The following FHOD3 variants were observed in gnomAD, a reference collection of about 807,000 sequenced individuals.
The protein encoded by FHOD3 is FH1/FH2 domain-containing protein 3.
Under a neutral mutation model 173.0 loss-of-function variants are expected in FHOD3, and 90 were observed. The ratio of observed to expected loss-of-function variants is 0.52; its 90% confidence interval spans 0.44 to 0.62. The LOEUF is 0.62. Ranked by LOEUF, FHOD3 falls within the 20% of genes least tolerant of loss-of-function variation. FHOD3 has a pLI of 0.00. For missense variants in FHOD3, 1,945 were observed against 2,034.7 expected (o/e 0.96, Z 0.85); for synonymous variants, 828 against 823.0 (o/e 1.01, Z -0.10).
At chr18:36,750,082 G>C (rs960536159) in intron 24 of FHOD3, among the ~76,000 whole-genome samples, 1 of 152,124 alleles carries the variant, frequency 6.6e-6, no homozygotes. Flanking sequence ...GAGGTCAGGA[G>C]ATCAAGATCA....
chr18:36,487,722 A>C lies in FHOD3; in HGVS notation c.338-14210A>C, dbSNP rs566707233. Among the ~76,000 whole-genome samples, 61 of 152,344 alleles carry C rather than the reference A, an allele frequency of 4.0e-4. 1 individual carries two copies. The Middle Eastern group carries it at 0.017, about 42-fold the overall frequency. ...TGTGTTGGACTCACCCAGCTGTCAC[A>C]ACAAAGGGGAAGAGACCTTATGTTT... is the stretch of plus-strand genomic sequence containing the variant. On this transcript the variant is annotated intron_variant, in intron 3 of 28. Coordinates refer to ENST00000590592, the MANE Select transcript of FHOD3 (RefSeq NM_001281740.3).
chr18:36,719,306 G>A (rs976154957), intron 19 of FHOD3, among the ~76,000 whole-genome samples: 2 of 152,192 alleles, frequency 1.3e-5, no homozygotes, highest in Non-Finnish European at 2.9e-5. Context: ...ATGTTTGAGA[G>A]TCCTATAGCC....
At chr18:36,628,335 G>A (rs2034265613) in intron 10 of FHOD3, among the ~76,000 whole-genome samples, 2 of 152,146 alleles carry the variant, frequency 1.3e-5, no homozygotes, top group South Asian at 4.1e-4. Flanking sequence ...CTCCTTCCCA[G>A]TCAACCACAT....
At chr18:36,298,230 G>A (rs1199008265) in intron 1 of FHOD3, among the ~76,000 whole-genome samples, 2 of 152,186 alleles carry the variant, frequency 1.3e-5, no homozygotes, top group East Asian at 3.9e-4. Flanking sequence ...AGAGCCGGGG[G>A]CGGGCGTGGC....
At chr18:36,553,261 G>T (rs983949017) in intron 5 of FHOD3, among the ~76,000 whole-genome samples, 8 of 152,304 alleles carry the variant, frequency 5.3e-5, no homozygotes, top group African/African-American at 1.9e-4. Flanking sequence ...GTTCATCAGG[G>T]ATATTGGTCT....
At chr18:36,603,435 A>G (rs2031662429) in intron 8 of FHOD3, among the ~76,000 whole-genome samples, 1 of 151,916 alleles carries the variant, frequency 6.6e-6, no homozygotes, top group Non-Finnish European at 1.5e-5. Context: ...AATCCAGGAA[A>G]GTGACAGTGA....
intron 9 of FHOD3, among the ~76,000 whole-genome samples, chr18:36,618,538 C>G (rs2033436232): frequency 6.6e-6 from 1 of 152,024 alleles, no homozygotes; most frequent in South Asian, 2.1e-4. Flanking sequence ...TCTGGAACTC[C>G]CAACCTCAGG....
intron 14 of FHOD3, among the ~76,000 whole-genome samples, chr18:36,669,313 T>C (rs928957379): frequency 6.6e-6 from 1 of 151,936 alleles, no homozygotes; most frequent in Non-Finnish European, 1.5e-5. Flanking sequence ...TCTTTTTTAT[T>C]ATTTGAACAT....
chr18:36,706,259 C>T (rs1487209393), intron 17 of FHOD3, among the ~76,000 whole-genome samples: 1 of 152,126 alleles, frequency 6.6e-6, no homozygotes, highest in Non-Finnish European at 1.5e-5. Context: ...GGCAGTTTTG[C>T]TTGACTTGAA....
chr18:36,389,426 C>T (rs900891961), intron 3 of FHOD3, among the ~76,000 whole-genome samples: 1 of 152,172 alleles, frequency 6.6e-6, no homozygotes, highest in Non-Finnish European at 1.5e-5. Context: ...AACAGTGTCA[C>T]CTGTGATTTT....
At chr18:36,354,526 G>T (rs1415218619) in intron 1 of FHOD3, among the ~76,000 whole-genome samples, 1 of 152,202 alleles carries the variant, frequency 6.6e-6, no homozygotes, top group African/African-American at 2.4e-5. Flanking sequence ...TTTTGGCTGG[G>T]TGTGGTGGCT....
At chr18:36,437,803 A>G (rs1235140031) in intron 3 of FHOD3, among the ~76,000 whole-genome samples, 1 of 151,706 alleles carries the variant, frequency 6.6e-6, no homozygotes. Context: ...AGCTGGGATT[A>G]CAGACACGTG....
At chr18:36,713,325 C>G (rs1019391611) in intron 18 of FHOD3, among the ~76,000 whole-genome samples, 3 of 152,198 alleles carry the variant, frequency 2.0e-5, no homozygotes, top group African/African-American at 7.2e-5. Flanking sequence ...ACTATACTTT[C>G]AGAGTAGGGA....
At chr18:36,544,299 T>G (rs2057335164) in intron 5 of FHOD3, among the ~76,000 whole-genome samples, 2 of 152,374 alleles carry the variant, frequency 1.3e-5, no homozygotes, top group African/African-American at 2.4e-5. Context: ...GGGCCACACT[T>G]GGACCACTCA....
chr18:36,755,409 T>A, intron 25 of FHOD3, 98 bp downstream of exon 25: 1 of 726,992 alleles, frequency 1.4e-6, no homozygotes, highest in Non-Finnish European at 1.8e-6. Context: ...TTTTTTTTTT[T>A]TTTTTTTTTT....
chr18:36,332,335 G>A (rs1461356774), intron 1 of FHOD3, among the ~76,000 whole-genome samples: 1 of 152,192 alleles, frequency 6.6e-6, no homozygotes, highest in Non-Finnish European at 1.5e-5. Context: ...TCACATAGGG[G>A]CTGGCTCTCC....
intron 2 of FHOD3, among the ~76,000 whole-genome samples, chr18:36,363,065 A>T (rs2046713285): frequency 6.6e-6 from 1 of 152,256 alleles, no homozygotes; most frequent in Non-Finnish European, 1.5e-5. Context: ...ATGTCAATAT[A>T]ATGTAAAATG....
chr18:36,565,950 A>G lies in FHOD3; in HGVS notation c.512-10501A>G, dbSNP rs1599679852. Among the ~76,000 whole-genome samples, 3 of 152,356 alleles carry G rather than the reference A, an allele frequency of 2.0e-5. No homozygotes were observed. The East Asian group carries it at 5.8e-4, about 29-fold the overall frequency. Reference sequence around the variant, plus strand: ...GTTGTGATATATCTATAGTTATAATAATGCTTTAAAAAACTGCATTTAAAA... The same window carrying G: ...GTTGTGATATATCTATAGTTATAATGATGCTTTAAAAAACTGCATTTAAAA... On this transcript the variant is annotated intron_variant, in intron 5 of 28. Transcript: ENST00000590592.
Position 36,611,989 on chromosome 18 carries a change from A to T in FHOD3, c.851A>T (p.Asp284Val), listed in dbSNP as rs377180775. Reference sequence around the variant, plus strand: ...CTACCAGACCAAGACACCTTCTACGACGTCGTGGACTGCCTGGAGGAGCTG... The same window carrying T: ...CTACCAGACCAAGACACCTTCTACGTCGTCGTGGACTGCCTGGAGGAGCTG... ...SGLPDQDTFYDVVDCLEELGI... is the reference protein window; with the variant it reads ...SGLPDQDTFYVVVDCLEELGI... The change falls in exon 9 of 29, where the codon GAC (aspartate) becomes GTC (valine). Residue 284 changes from aspartate to valine, a missense_variant. Coordinates refer to ENST00000590592, the MANE Select transcript of FHOD3 (RefSeq NM_001281740.3). 4 of 1,614,082 alleles carry T rather than the reference A, an allele frequency of 2.5e-6. No individual in the cohort carries two copies. Among genetic ancestry groups the T allele is most frequent in the Non-Finnish European group, 3.4e-6 (4 of 1,180,006 alleles).
Sources: gnomAD v4.1 joint callset for allele counts (sites outside exome capture counted in the v4.1 genomes callset) on GRCh38, gnomAD v4.1.1 for gene constraint, MANE v1.5 for transcripts, NCBI Gene and HGNC (gene_info 2026-07-23, HGNC 2026-07-21) for gene names.